Variants in PITPNM2 observed in about 807,000 individuals in gnomAD.
PITPNM2 encodes membrane-associated phosphatidylinositol transfer protein 2.
PITPNM2 carries 35 observed loss-of-function variants against 132.2 expected under a neutral mutation model. That is an observed-to-expected ratio of 0.26 (90% CI 0.20 to 0.35). PITPNM2 has a LOEUF of 0.35. Ranked by LOEUF, PITPNM2 falls within the 10% of genes least tolerant of loss-of-function variation. PITPNM2 has a pLI of 1.00. For missense variants in PITPNM2, 1,332 were observed against 1,912.0 expected (o/e 0.70, Z 5.66); for synonymous variants, 738 against 799.2 (o/e 0.92, Z 1.29).
At chr12:123,115,552 C>T (rs1373045996) in intron 1 of PITPNM2, among the ~76,000 whole-genome samples, 8 of 151,954 alleles carry the variant, frequency 5.3e-5, no homozygotes, top group African/African-American at 1.5e-4. Flanking sequence ...CACACACACA[C>T]GCACACACAC....
chr12:123,147,804 C>G (rs1364447347), intron 1 of PITPNM2, among the ~76,000 whole-genome samples: 4 of 152,182 alleles, frequency 2.6e-5, no homozygotes, highest in East Asian at 1.9e-4. Context: ...GTTGACCTCT[C>G]TGTGTGTCTT....
chr12:123,116,728 C>A (rs2042943412), intron 1 of PITPNM2, among the ~76,000 whole-genome samples: 1 of 151,000 alleles, frequency 6.6e-6, no homozygotes, highest in Admixed American at 6.6e-5. Context: ...TGCATTTGAA[C>A]TCTAGGGAAG....
At chr12:123,126,647 C>A (rs1438582314) in intron 1 of PITPNM2, among the ~76,000 whole-genome samples, 4 of 152,142 alleles carry the variant, frequency 2.6e-5, no homozygotes, top group Non-Finnish European at 5.9e-5. Context: ...GCCTGTGGGA[C>A]AGCTGGCAGA....
At chr12:123,028,533 T>A (rs2039949892) in intron 3 of PITPNM2, among the ~76,000 whole-genome samples, 1 of 152,192 alleles carries the variant, frequency 6.6e-6, no homozygotes, top group African/African-American at 2.4e-5. Flanking sequence ...GTGAAATCTA[T>A]CTTCCCAGAG....
chr12:123,008,487 A>C lies in PITPNM2; in HGVS notation c.643+1363T>G, dbSNP rs1027293656. On this transcript the variant is annotated intron_variant, in intron 6 of 25. Transcript: ENST00000320201. The surrounding 1 kb of genome is among the most constrained non-coding windows in gnomAD (Gnocchi z 4.1). ...CTGCCCACATGCTCCTCCACTCCTC[A>C]TATTGCCTGGGAAGTGAGAACCACC... 6.6e-6 allele frequency among the ~76,000 whole-genome samples: 1 copy of C among 152,152 alleles called. No homozygotes were observed. Among genetic ancestry groups the C allele is most frequent in the Non-Finnish European group, 1.5e-5 (1 of 68,012 alleles).
intron 1 of PITPNM2, among the ~76,000 whole-genome samples, chr12:123,148,432 G>A (rs749089865): frequency 5.9e-5 from 9 of 152,116 alleles, no homozygotes; most frequent in Non-Finnish European, 7.3e-5. Flanking sequence ...AAAACAGCAA[G>A]GCAGTGATCT....
chr12:122,985,884 G>T lies in PITPNM2; in HGVS notation c.*143C>A. ...GACGTGAGGCAGGGCAGGGAGCACT[G>T]TGTGGTGCGGCCCGTGTCCTCCACA... On this transcript the variant is annotated 3_prime_UTR_variant, in exon 26 of 26. Transcript: ENST00000320201. The T allele has an allele frequency of 1.3e-6, 1 of 766,318 alleles. No homozygotes were observed. The highest frequency in any genetic ancestry group is 1.9e-6 in the Non-Finnish European group (1 of 536,598). The allele number at this position is 766,318 out of a possible 1,614,324, so 47.5% of individuals were successfully genotyped here. A position where few individuals can be genotyped will look rare whatever the true frequency, so the allele number is the denominator to read the frequency against.
intron 3 of PITPNM2, among the ~76,000 whole-genome samples, chr12:123,019,869 G>A (rs568746404): frequency 3.0e-4 from 46 of 152,100 alleles, no homozygotes; most frequent in Non-Finnish European, 5.9e-4. Context: ...CCTCAGGGGG[G>A]TCAGGGAAAG....
chr12:123,104,281 C>T (rs181897549), intron 2 of PITPNM2, among the ~76,000 whole-genome samples: 4 of 152,362 alleles, frequency 2.6e-5, no homozygotes, highest in Non-Finnish European at 4.4e-5. Context: ...GCAGCCCCCA[C>T]ACACCCGCTG....
chr12:123,029,827 C>CTCTG (rs777725370), intron 3 of PITPNM2, among the ~76,000 whole-genome samples: 1 of 135,488 alleles, frequency 7.4e-6, no homozygotes, highest in Admixed American at 7.1e-5. Flanking sequence ...ACATATGTGT[C>CTCTG]TGTGTGTGTG....
At chr12:123,033,755 T>G (rs2040174475) in intron 3 of PITPNM2, among the ~76,000 whole-genome samples, 1 of 152,086 alleles carries the variant, frequency 6.6e-6, no homozygotes, top group African/African-American at 2.4e-5. Context: ...GTGATGGTAT[T>G]TGGAGATGGG....
At chr12:123,132,911 T>C (rs2043299591) in intron 1 of PITPNM2, among the ~76,000 whole-genome samples, 1 of 152,242 alleles carries the variant, frequency 6.6e-6, no homozygotes, top group South Asian at 2.1e-4. Flanking sequence ...CCAAACAGTA[T>C]GGCATATGAA....
chr12:123,115,079 C>T (rs2042909364), intron 1 of PITPNM2, among the ~76,000 whole-genome samples: 1 of 152,164 alleles, frequency 6.6e-6, no homozygotes, highest in Admixed American at 6.5e-5. Context: ...ATCCTCTCAC[C>T]CGCCCACCTC....
At chr12:123,135,343 A>G (rs1421233360) in intron 1 of PITPNM2, among the ~76,000 whole-genome samples, 1 of 151,720 alleles carries the variant, frequency 6.6e-6, no homozygotes, top group Non-Finnish European at 1.5e-5. Flanking sequence ...AAACCATTTG[A>G]CGTTTTAAAA....
chr12:123,018,041 TC>T, intron 3 of PITPNM2, among the ~76,000 whole-genome samples: 1 of 133,414 alleles, frequency 7.5e-6, no homozygotes, highest in African/African-American at 2.8e-5. Flanking sequence ...CCTTCCTCCC[TC>T]CCTCCCTCCC....
intron 5 of PITPNM2, among the ~76,000 whole-genome samples, chr12:123,011,697 C>G (rs922915270): frequency 6.6e-6 from 1 of 152,042 alleles, no homozygotes; most frequent in South Asian, 2.1e-4. Context: ...GACCATGTGA[C>G]GAACGAGGCA....
At position 123,150,666 on chromosome 12, in the gene PITPNM2, G is replaced by A. The variant is rs1176075252; in HGVS notation, c.-200+87C>T. ...GCGGGCCGGGGCCTCTCTGGGAGCC[G>A]CCGCCCAGATCCCCAGGTCCCCGGC... On this transcript the variant is annotated intron_variant, in intron 1 of 25. Coordinates refer to ENST00000320201, the MANE Select transcript of PITPNM2 (RefSeq NM_020845.3). The surrounding 1 kb of genome is among the most constrained non-coding windows in gnomAD (Gnocchi z 6.0). Among the ~76,000 whole-genome samples the A allele has an allele frequency of 3.4e-5, 5 of 148,630 alleles. No homozygotes were observed. Among genetic ancestry groups the A allele is most frequent in the Non-Finnish European group, 4.5e-5 (3 of 67,042 alleles).
intron 2 of PITPNM2, among the ~76,000 whole-genome samples, chr12:123,060,127 G>A (rs905969958): frequency 2.0e-5 from 3 of 152,182 alleles, no homozygotes; most frequent in East Asian, 1.9e-4. Context: ...AGCACAAATC[G>A]AGGGTGAGTT....
In PITPNM2 at chr12:122,985,020, T is replaced by C; in HGVS notation, c.*1007A>G. ...AGTGTGTGCCCCACCCACCCCAGAG[T>C]AGAAATTCAGTGGGATTGCCGGGGC... is the stretch of plus-strand genomic sequence containing the variant. On this transcript the variant is annotated 3_prime_UTR_variant, in exon 26 of 26. Coordinates refer to ENST00000320201, the MANE Select transcript of PITPNM2 (RefSeq NM_020845.3). 6.7e-6 allele frequency: 1 copy of C among 150,004 alleles called. No individual in the cohort carries two copies. The highest frequency in any genetic ancestry group is 2.0e-4 in the East Asian group (1 of 5,076). The allele number at this position is 150,004 out of a possible 1,614,324, so 9.3% of individuals were successfully genotyped here.
Sources: allele counts gnomAD v4.1 joint callset (sites outside exome capture counted in the v4.1 genomes callset), GRCh38; gene constraint gnomAD v4.1.1; non-coding constraint Gnocchi (gnomAD v3.1); transcripts MANE v1.5; gene names NCBI Gene and HGNC (gene_info 2026-07-23, HGNC 2026-07-21).